Variants in FASTKD1 observed in about 807,000 individuals in gnomAD.
FASTKD1 encodes the protein FAST kinase domains 1.
FASTKD1 carries 94 observed loss-of-function variants against 90.9 expected under a neutral mutation model. The ratio of observed to expected loss-of-function variants is 1.03; its 90% CI spans 0.88 to 1.23. The LOEUF is 1.23. Ranked by LOEUF, FASTKD1 falls within the 50% of genes most tolerant of loss-of-function variation. The pLI is 0.00. For synonymous variants in FASTKD1, 319 were observed against 345.8 expected (o/e 0.92, Z 0.86); for missense variants, 945 against 993.5 (o/e 0.95, Z 0.66).
intron 4 of FASTKD1, among the ~76,000 whole-genome samples, chr2:169,561,199 G>A (rs1293785908): frequency 6.6e-6 from 1 of 151,436 alleles, no homozygotes; most frequent in African/African-American, 2.4e-5. Context: ...TCAGGAGGCT[G>A]AGGCAGGAAA....
intron 14 of FASTKD1, among the ~76,000 whole-genome samples, chr2:169,530,227 CCT>C (rs1411373739): frequency 6.6e-6 from 1 of 152,132 alleles, no homozygotes; most frequent in African/African-American, 2.4e-5. Flanking sequence ...CTCTACAGTG[CCT>C]CTCTCCTTTG....
chr2:169,570,953 AGT>A, intron 2 of FASTKD1: 1 of 152,296 alleles, frequency 6.6e-6, no homozygotes, highest in East Asian at 1.9e-4. Context: ...TGGGATTACA[AGT>A]GTGAGTCACC....
At chr2:169,558,177 C>T (rs1263474270) in intron 5 of FASTKD1, among the ~76,000 whole-genome samples, 2 of 152,236 alleles carry the variant, frequency 1.3e-5, no homozygotes, top group Non-Finnish European at 2.9e-5. Context: ...CTCAGTTAAA[C>T]CCAACTGTTT....
intron 7 of FASTKD1, among the ~76,000 whole-genome samples, chr2:169,553,809 C>G (rs2105385432): frequency 6.6e-6 from 1 of 152,194 alleles, no homozygotes; most frequent in Non-Finnish European, 1.5e-5. Context: ...GTAGTCCCAG[C>G]TGCTCAGGAG....
intron 4 of FASTKD1, 92 bp downstream of exon 4, chr2:169,563,133 T>A: frequency 4.8e-6 from 6 of 1,257,488 alleles, no homozygotes; most frequent in Non-Finnish European, 6.7e-6. Flanking sequence ...TAACCTTAAG[T>A]CACATAAACT....
intron 4 of FASTKD1, among the ~76,000 whole-genome samples, chr2:169,561,606 T>A (rs1683602590): frequency 6.6e-6 from 1 of 151,148 alleles, no homozygotes; most frequent in Admixed American, 6.6e-5. Flanking sequence ...AAAGAAAGTA[T>A]TCCCAGATGG....
chr2:169,529,449 A>C lies in FASTKD1; in HGVS notation c.*376T>G, dbSNP rs1346967899. 6.6e-6 allele frequency among the ~76,000 whole-genome samples: 1 copy of C among 152,194 alleles called. No individual in the cohort carries two copies. The highest frequency in any genetic ancestry group is 1.5e-5 in the Non-Finnish European group (1 of 68,042). On this transcript the variant is annotated 3_prime_UTR_variant, in exon 15 of 15. Transcript: ENST00000453153. ...CATTGTTGTCTGGATTATTGCAATG[A>C]CCTCGTAAAGAGTTTTCTTTCTTAC...
At chr2:169,531,570 A>C in intron 12 of FASTKD1, 80 bp from the exon 13 acceptor site, 7 of 1,076,800 alleles carry the variant, frequency 6.5e-6, no homozygotes, top group Non-Finnish European at 9.3e-6. Context: ...TGAAATATAT[A>C]TGCATATAAT....
chr2:169,549,404 A>G (rs1005503158), intron 7 of FASTKD1, among the ~76,000 whole-genome samples: 2 of 151,598 alleles, frequency 1.3e-5, no homozygotes, highest in African/African-American at 4.8e-5. Flanking sequence ...ACTCCATCTC[A>G]AAAAAAAATT....
rs751821340 is a variant in FASTKD1 at position 169,571,762 on chromosome 2, C to T, written c.268G>A (p.Glu90Lys). The T allele has an allele frequency of 6.2e-6, 10 of 1,613,908 alleles. No individual in the cohort carries two copies. The South Asian group carries it at 7.7e-5, about 12-fold the overall frequency. The change falls in exon 2 of 15, where the codon GAG becomes AAG. Residue 90 changes from glutamate (E) to lysine (K), a missense_variant. Transcript: ENST00000453153. ...AATTGAGGATGGTCTCTGACATACT[C>T]AGCATTTTTTAACAGGCTGGTCTTC... The part of the protein sequence containing the change: ...KQKTSLLKNA[E>K]YVRDHPQFLT...
chr2:169,563,691 A>C (rs182985267), intron 3 of FASTKD1, among the ~76,000 whole-genome samples: 259 of 152,298 alleles, frequency 1.7e-3, no homozygotes, highest in African/African-American at 5.9e-3. Flanking sequence ...CAATTTCTTC[A>C]ACAAGAAAAT....
chr2:169,556,894 C>T (rs765180014), intron 6 of FASTKD1, among the ~76,000 whole-genome samples: 1 of 151,094 alleles, frequency 6.6e-6, no homozygotes, highest in Non-Finnish European at 1.5e-5. Context: ...GTAGTCCCAG[C>T]TACTCAGGAG....
intron 8 of FASTKD1, among the ~76,000 whole-genome samples, chr2:169,545,259 T>C (rs1574380411): frequency 6.6e-6 from 1 of 152,314 alleles, no homozygotes; most frequent in African/African-American, 2.4e-5. Context: ...TGTTTCAGAA[T>C]TCATTAGTCA....
chr2:169,536,018 G>A (rs572823757), intron 12 of FASTKD1, among the ~76,000 whole-genome samples: 1 of 149,428 alleles, frequency 6.7e-6, no homozygotes, highest in Non-Finnish European at 1.5e-5. Context: ...GCTCACACCT[G>A]TAATCCCAAC....
intron 7 of FASTKD1, among the ~76,000 whole-genome samples, chr2:169,551,726 G>C (rs1574390635): frequency 6.6e-6 from 1 of 152,274 alleles, no homozygotes; most frequent in East Asian, 1.9e-4. Context: ...GAGGTCACTT[G>C]AGGTTGCAGT....
At chr2:169,551,623 C>T (rs1303770005) in intron 7 of FASTKD1, among the ~76,000 whole-genome samples, 3 of 152,034 alleles carry the variant, frequency 2.0e-5, no homozygotes, top group African/African-American at 4.8e-5. Flanking sequence ...ATGGCAAAAC[C>T]CCATCTCTAC....
In FASTKD1 at chr2:169,537,232, T is replaced by C. The variant is rs1189153732; in HGVS notation, c.2183A>G (p.Lys728Arg). Residue 728 changes from lysine to arginine, a missense_variant, in exon 12 of 15, where the codon AAA becomes AGA. Transcript: ENST00000453153. ...KASVLTPYYH[K>R]VDFECILDKR... is the part of the protein sequence containing the mutation. ...TAACCTACCCAATAACTTACCTACT[T>C]TGTGGTAATAAGGCGTAAGAACCGA... The C allele has an allele frequency of 6.3e-7, 1 of 1,581,230 alleles. No homozygotes were observed. The highest frequency in any genetic ancestry group is 1.7e-5 in the Admixed American group (1 of 59,890).
intron 3 of FASTKD1, among the ~76,000 whole-genome samples, chr2:169,564,617 G>C (rs757056779): frequency 6.6e-6 from 1 of 151,958 alleles, no homozygotes; most frequent in Non-Finnish European, 1.5e-5. Context: ...GTATAATTAA[G>C]TTATTATTGA....
intron 3 of FASTKD1, among the ~76,000 whole-genome samples, chr2:169,564,849 C>T (rs984614139): frequency 2.0e-5 from 3 of 151,874 alleles, no homozygotes; most frequent in Non-Finnish European, 2.9e-5. Context: ...TGGCTTATTT[C>T]ACTTAACATA....
Sources: gnomAD v4.1 joint callset for allele counts (sites outside exome capture counted in the v4.1 genomes callset) on GRCh38, gnomAD v4.1.1 for gene constraint, MANE v1.5 for transcripts, NCBI Gene and HGNC (gene_info 2026-07-23, HGNC 2026-07-21) for gene names.